TJP1: variants seen among roughly 807,000 people sequenced by gnomAD.
TJP1 encodes tight junction protein ZO-1.
A neutral mutation model predicts 194.2 loss-of-function variants in TJP1; 43 were observed. The ratio of observed to expected loss-of-function variants is 0.22; its 90% CI spans 0.17 to 0.29. The LOEUF is 0.29. Ranked by LOEUF, TJP1 falls within the 10% of genes least tolerant of loss-of-function variation. The pLI, the probability that TJP1 is intolerant of heterozygous loss-of-function variation, is 1.00. For missense variants in TJP1, 1,971 were observed against 2,185.7 expected (o/e 0.90, Z 1.96); for synonymous variants, 801 against 779.0 (o/e 1.03, Z -0.47).
intron 1 of TJP1, chr15:29,968,090 T>A (rs1481808846): frequency 1.0e-6 from 1 of 985,350 alleles, no homozygotes; most frequent in East Asian, 1.1e-4. Flanking sequence ...GGATGTTTTT[T>A]CCTCATTACC....
intron 2 of TJP1, among the ~76,000 whole-genome samples, chr15:29,799,699 G>A (rs920696038): frequency 3.3e-5 from 5 of 152,152 alleles, no homozygotes; most frequent in Admixed American, 2.0e-4. Context: ...ACAGGCGTGA[G>A]CCACCACACC....
intron 4 of TJP1, among the ~76,000 whole-genome samples, chr15:29,769,769 T>G (rs1185757594): frequency 6.6e-6 from 1 of 152,214 alleles, no homozygotes; most frequent in African/African-American, 2.4e-5. Flanking sequence ...ACAAAGCTAC[T>G]ATGCTGCCAG....
chr15:29,791,885 T>C (rs1423423856), intron 2 of TJP1, among the ~76,000 whole-genome samples: 1 of 152,214 alleles, frequency 6.6e-6, no homozygotes, highest in Non-Finnish European at 1.5e-5. Flanking sequence ...GACCATTTTT[T>C]CATATACCTG....
chr15:29,708,340 A>G (rs75342406), intron 25 of TJP1, among the ~76,000 whole-genome samples: 3,546 of 152,330 alleles, frequency 0.023, 50 homozygotes, highest in South Asian at 0.054. Context: ...GATGATGACA[A>G]TACCTACCAA....
intron 2 of TJP1, among the ~76,000 whole-genome samples, chr15:29,852,731 C>A (rs1596109209): frequency 6.6e-6 from 1 of 152,012 alleles, no homozygotes; most frequent in African/African-American, 2.4e-5. Context: ...AATGGAGAAA[C>A]CCCGTCTCTA....
At chr15:29,869,795 CTTTTTTTTTTTTTT>C (rs11318770) in intron 2 of TJP1, among the ~76,000 whole-genome samples, 4 of 56,002 alleles carry the variant, frequency 7.1e-5, no homozygotes, top group African/African-American at 2.0e-4. Flanking sequence ...TTCTTTCTTT[CTTTTTTTTTTTTTT>C]TTTTTTTTTT....
At chr15:29,714,537 CTTTTTTTTTTT>C (rs58378713) in intron 23 of TJP1, among the ~76,000 whole-genome samples, 2 of 88,986 alleles carry the variant, frequency 2.2e-5, no homozygotes, top group Non-Finnish European at 4.4e-5. Context: ...TGCGCCCAGC[CTTTTTTTTTTT>C]TTTTTTTTTT....
In TJP1 at chr15:29,961,250, C is replaced by A. The variant is rs553522013; in HGVS notation, c.174-4886G>T. ...ATTCCCCGCATATTTAGGGGAATGGCCCTTTATGACAGGGAAATAAAGTTG... is the reference window on the plus strand; with the variant it reads ...ATTCCCCGCATATTTAGGGGAATGGACCTTTATGACAGGGAAATAAAGTTG... On this transcript the variant is annotated intron_variant, in intron 1 of 28. Coordinates refer to the TJP1 transcript ENST00000356107. 2.6e-5 allele frequency among the ~76,000 whole-genome samples: 4 copies of A among 152,108 alleles called. No individual in the cohort carries two copies. The East Asian group carries it at 7.7e-4, about 29-fold the overall frequency.
At chr15:29,721,762 A>G (rs1476519463) in intron 18 of TJP1, among the ~76,000 whole-genome samples, 4 of 152,242 alleles carry the variant, frequency 2.6e-5, no homozygotes, top group Non-Finnish European at 4.4e-5. Context: ...TAATAGTGAT[A>G]TGGACAATAA....
chr15:29,734,361 T>G lies in TJP1; in HGVS notation c.1429A>C (p.Asn477His). 1.9e-6 allele frequency: 3 copies of G among 1,612,524 alleles called. No individual in the cohort carries two copies. Among genetic ancestry groups the G allele is most frequent in the Middle Eastern group, 1.7e-4 (1 of 6,058 alleles). ...AGGACGGCTTCTTCTCTTATGATAT[T>G]TGTAAAATCTACGTTGTTTACCTAA... ...ILRVNNVDFTNIIREEAVLFL... is the reference protein window; with the variant it reads ...ILRVNNVDFTHIIREEAVLFL... The change falls in exon 12 of 28, where the codon AAT (asparagine) becomes CAT (histidine). Residue 477 changes from asparagine to histidine, a missense_variant. Coordinates refer to ENST00000614355, the MANE Select transcript of TJP1 (RefSeq NM_001330239.4).
At chr15:29,862,901 G>A (rs2052144867) in intron 2 of TJP1, among the ~76,000 whole-genome samples, 2 of 151,424 alleles carry the variant, frequency 1.3e-5, no homozygotes, top group Admixed American at 1.3e-4. Flanking sequence ...GCCCGCCTCG[G>A]CCTCCCAAAG....
intron 2 of TJP1, among the ~76,000 whole-genome samples, chr15:29,866,573 G>C (rs541607552): frequency 1.2e-4 from 19 of 152,138 alleles, no homozygotes; most frequent in Admixed American, 5.9e-4. Context: ...ATTTGTGTGG[G>C]ATTTTATTTA....
At chr15:29,714,175 C>T (rs926474147) in intron 23 of TJP1, among the ~76,000 whole-genome samples, 5 of 152,284 alleles carry the variant, frequency 3.3e-5, no homozygotes, top group African/African-American at 1.2e-4. Context: ...AACAAATTAA[C>T]ACAGAAAGCA....
chr15:29,948,192 G>A (rs1383865968), intron 2 of TJP1, among the ~76,000 whole-genome samples: 1 of 151,400 alleles, frequency 6.6e-6, no homozygotes, highest in Non-Finnish European at 1.5e-5. Flanking sequence ...AACCCAGCAG[G>A]CGGAGGTTGC....
intron 2 of TJP1, among the ~76,000 whole-genome samples, chr15:29,900,191 G>C (rs1323629451): frequency 2.0e-5 from 3 of 152,148 alleles, no homozygotes; most frequent in Admixed American, 2.0e-4. Flanking sequence ...AAAGGCTCTG[G>C]GGCAGGAGTG....
intron 2 of TJP1, among the ~76,000 whole-genome samples, chr15:29,893,850 T>C (rs2053391897): frequency 6.6e-6 from 1 of 152,136 alleles, no homozygotes; most frequent in Non-Finnish European, 1.5e-5. Flanking sequence ...GATATCCCTA[T>C]AAACGATAAA....
intron 27 of TJP1, among the ~76,000 whole-genome samples, chr15:29,703,706 G>T (rs369039764): frequency 6.6e-6 from 1 of 151,850 alleles, no homozygotes; most frequent in African/African-American, 2.4e-5. Context: ...GCAGTGGCAC[G>T]ATCTTGGCTC....
intron 1 of TJP1, among the ~76,000 whole-genome samples, chr15:29,801,131 A>T (rs1307524971): frequency 6.6e-6 from 1 of 152,240 alleles, no homozygotes; most frequent in Non-Finnish European, 1.5e-5. Context: ...TACATGTCAC[A>T]GGAAAACAGA....
downstream of TJP1, chr15:29,699,422 G>A (rs745691946): frequency 7.2e-5 from 11 of 152,306 alleles, no homozygotes; most frequent in Non-Finnish European, 1.3e-4. Flanking sequence ...AGAAACAGAA[G>A]AGATCATCCT....
Sources: allele counts gnomAD v4.1 joint callset (sites outside exome capture counted in the v4.1 genomes callset), GRCh38; gene constraint gnomAD v4.1.1; transcripts MANE v1.5; gene names NCBI Gene and HGNC (gene_info 2026-07-23, HGNC 2026-07-21).